Variants in RYR2 observed in about 807,000 individuals in gnomAD.
RYR2 encodes cardiac muscle ryanodine receptor-calcium release channel.
RYR2 carries 227 observed loss-of-function variants against 601.1 expected under a neutral mutation model. The ratio of observed to expected loss-of-function variants is 0.38; its 90% CI spans 0.34 to 0.42. RYR2 has a LOEUF of 0.42. Ranked by LOEUF, RYR2 falls within the 10% of genes least tolerant of loss-of-function variation. The pLI is 1.00. For missense variants in RYR2, 4,646 were observed against 6,156.5 expected (o/e 0.75, Z 8.21); for synonymous variants, 2,223 against 2,175.1 (o/e 1.02, Z -0.61).
In RYR2 at chr1:237,640,958, T is replaced by G; in HGVS notation, c.7177T>G (p.Ser2393Ala). ...GGGGAACGCGATCATGACCTTCTAT[T>G]CAGCTTTGATTGACCTCTTGGGACG... ...HMGNAIMTFYSALIDLLGRCA... is the reference protein window; with the variant it reads ...HMGNAIMTFYAALIDLLGRCA... The change falls in exon 47 of 105, where the codon TCA (serine) becomes GCA (alanine). Residue 2393 changes from serine to alanine, a missense_variant. Ser to Ala is a moderately conservative substitution (Grantham distance 99). Transcript: ENST00000366574. 6.2e-7 allele frequency: 1 copy of G among 1,613,646 alleles called. No individual in the cohort carries two copies. Among genetic ancestry groups the G allele is most frequent in the Non-Finnish European group, 8.5e-7 (1 of 1,179,738 alleles).
At chr1:237,558,403 T>C (rs1443030431) in intron 27 of RYR2, among the ~76,000 whole-genome samples, 1 of 152,190 alleles carries the variant, frequency 6.6e-6, no homozygotes, top group Non-Finnish European at 1.5e-5. Context: ...CTGACAATTA[T>C]TTTTTCTTTT....
intron 5 of RYR2, among the ~76,000 whole-genome samples, chr1:237,366,873 T>G (rs1700243520): frequency 6.6e-6 from 1 of 152,140 alleles, no homozygotes; most frequent in Admixed American, 6.5e-5. Flanking sequence ...CTTTGGAACA[T>G]AAATCTGGTA....
intron 48 of RYR2, among the ~76,000 whole-genome samples, chr1:237,646,709 G>A (rs1682197052): frequency 6.6e-6 from 1 of 152,168 alleles, no homozygotes; most frequent in African/African-American, 2.4e-5. Flanking sequence ...AAAACTTGAG[G>A]AACAAGCACA....
chr1:237,346,826 A>G (rs1305096187), intron 3 of RYR2, among the ~76,000 whole-genome samples: 1 of 152,230 alleles, frequency 6.6e-6, no homozygotes, highest in Non-Finnish European at 1.5e-5. Flanking sequence ...GTTAAAGTAC[A>G]TAATCCCATA....
chr1:237,132,439 G>C (rs115189372), intron 1 of RYR2, among the ~76,000 whole-genome samples: 2,040 of 152,346 alleles, frequency 0.013, 38 homozygotes, highest in African/African-American at 0.046. Context: ...CTGTGAGATA[G>C]TAAATGTTGA....
intron 84 of RYR2, among the ~76,000 whole-genome samples, chr1:237,769,344 C>T (rs748518174): frequency 7.2e-5 from 11 of 152,062 alleles, no homozygotes; most frequent in Admixed American, 2.6e-4. Flanking sequence ...CCTATCCTGT[C>T]GTGAATTTAA....
rs143256201 is a variant in RYR2, at chr1:237,108,261, T to G, written c.48+65692T>G. On this transcript the variant is annotated intron_variant, in intron 1 of 104. Transcript: ENST00000366574. Reference sequence around the variant, plus strand: ...GGAATCTGGGTTGTGAGGCTACACCTGTTGGAGGGATCGGAGGGGCCCAGT... The same window carrying G: ...GGAATCTGGGTTGTGAGGCTACACCGGTTGGAGGGATCGGAGGGGCCCAGT... Among the ~76,000 whole-genome samples the G allele has an allele frequency of 5.3e-5, 8 of 152,296 alleles. 1 individual carries two copies. Among genetic ancestry groups the G allele is most frequent in the African/African-American group, 1.9e-4 (8 of 41,562 alleles).
intron 78 of RYR2, among the ~76,000 whole-genome samples, chr1:237,732,431 C>T (rs367796009): frequency 6.6e-6 from 1 of 152,210 alleles, no homozygotes; most frequent in African/African-American, 2.4e-5. Flanking sequence ...CTGTTTATCA[C>T]AAACAAACTT....
At chr1:237,703,556 T>C (rs1374553608) in intron 66 of RYR2, among the ~76,000 whole-genome samples, 1 of 148,846 alleles carries the variant, frequency 6.7e-6, no homozygotes, top group Non-Finnish European at 1.5e-5. Flanking sequence ...TTACCATTTT[T>C]TACCTTTATA....
At position 237,160,243 on chromosome 1, in the gene RYR2, G is replaced by T. The variant is rs192555623; in HGVS notation, c.49-110254G>T. Among the ~76,000 whole-genome samples, 55 of 152,288 alleles carry T rather than the reference G, an allele frequency of 3.6e-4. 1 individual carries two copies. The East Asian group carries it at 7.9e-3, about 22-fold the overall frequency. On this transcript the variant is annotated intron_variant, in intron 1 of 104. Coordinates refer to ENST00000366574, the MANE Select transcript of RYR2 (RefSeq NM_001035.3). The stretch of plus-strand genomic sequence containing the variant: ...ATTTGTATTTCGTTAGGATCTGCAG[G>T]ATACACATGAATGATCTCATTTGGA...
At chr1:237,470,597 C>T (rs1312260852) in intron 17 of RYR2, among the ~76,000 whole-genome samples, 1 of 152,074 alleles carries the variant, frequency 6.6e-6, no homozygotes, top group Admixed American at 6.6e-5. Context: ...TTAAGAGTAT[C>T]ATAACATGAA....
chr1:237,270,651 CA>C, intron 2 of RYR2, 35 bp downstream of exon 2: 1 of 1,553,976 alleles, frequency 6.4e-7, no homozygotes, highest in Non-Finnish European at 8.7e-7. Context: ...TTCAAATATG[CA>C]AGTTTTACTA....
intron 41 of RYR2, among the ~76,000 whole-genome samples, chr1:237,630,560 T>G (rs1302283476): frequency 1.3e-5 from 2 of 152,200 alleles, no homozygotes; most frequent in African/African-American, 2.4e-5. Flanking sequence ...TAAAGGAAAC[T>G]AATTTGAAGA....
At chr1:237,514,874 G>A (rs1299971824) in intron 24 of RYR2, among the ~76,000 whole-genome samples, 1 of 152,238 alleles carries the variant, frequency 6.6e-6, no homozygotes, top group Admixed American at 6.5e-5. Context: ...ATGTCTGAGA[G>A]GGAGCATAGT....
At chr1:237,712,401 T>C (rs1573629209) in intron 71 of RYR2, among the ~76,000 whole-genome samples, 1 of 152,062 alleles carries the variant, frequency 6.6e-6, no homozygotes, top group East Asian at 2.0e-4. Flanking sequence ...GACTTGTATA[T>C]GAAAAGCAAG....
intron 25 of RYR2, among the ~76,000 whole-genome samples, chr1:237,546,718 A>G (rs114698524): frequency 0.01 from 1,576 of 152,146 alleles, 8 homozygotes; most frequent in South Asian, 0.027. Context: ...GATGTATTAT[A>G]GTAAAATAGA....
intron 14 of RYR2, among the ~76,000 whole-genome samples, chr1:237,446,190 T>G (rs1370938636): frequency 6.6e-6 from 1 of 152,196 alleles, no homozygotes; most frequent in East Asian, 1.9e-4. Flanking sequence ...AAAGTAATTC[T>G]CATAAGAACT....
chr1:237,284,333 T>C (rs1691225988), intron 2 of RYR2, among the ~76,000 whole-genome samples: 1 of 149,726 alleles, frequency 6.7e-6, no homozygotes, highest in African/African-American at 2.5e-5. Flanking sequence ...TGAGTCGAGA[T>C]TGCGCCACTG....
chr1:237,375,723 T>C (rs1359381259), intron 7 of RYR2, among the ~76,000 whole-genome samples: 1 of 152,220 alleles, frequency 6.6e-6, no homozygotes, highest in Non-Finnish European at 1.5e-5. Flanking sequence ...TTTTGTTTTG[T>C]ACAGGCTCTA....
Sources: allele counts gnomAD v4.1 joint callset (sites outside exome capture counted in the v4.1 genomes callset), GRCh38; gene constraint gnomAD v4.1.1; transcripts MANE v1.5; gene names NCBI Gene and HGNC (gene_info 2026-07-23, HGNC 2026-07-21).